The following OR51L1 variants were observed in gnomAD, a reference collection of about 807,000 sequenced individuals.
OR51L1 encodes the protein olfactory receptor family 51 subfamily L member 1.
Under a neutral mutation model 1.4 loss-of-function variants are expected in OR51L1, and 1 was observed. The ratio of observed to expected loss-of-function variants is 0.72; its 90% CI spans 0.26 to 3.42. The LOEUF (loss-of-function observed/expected upper bound fraction) is 3.42, where lower values mean the gene tolerates loss of function less well. OR51L1 is among the 30% of genes most tolerant of loss of function. OR51L1 has a pLI of 0.20. For missense variants in OR51L1, 378 were observed against 380.0 expected (o/e 0.99, Z 0.04); for synonymous variants, 156 against 144.2 (o/e 1.08, Z -0.59).
At position 5,002,127 on chromosome 11, in the gene OR51L1, C is replaced by T. The variant is rs1441536901; in HGVS notation, c.*2197C>T. Reference sequence around the variant, plus strand: ...TTGGAAATAAAGTGGCGTACCAAAGCTGGCACATAAGAGACAATTGTGCAT... The same window carrying T: ...TTGGAAATAAAGTGGCGTACCAAAGTTGGCACATAAGAGACAATTGTGCAT... On this transcript the variant is annotated 3_prime_UTR_variant, in exon 3 of 3. Transcript: ENST00000641819. 2 of 152,182 alleles carry T rather than the reference C, an allele frequency of 1.3e-5. No individual in the cohort carries two copies. The highest frequency in any genetic ancestry group is 4.8e-5 in the African/African-American group (2 of 41,446). The allele number at this position is 152,182 out of a possible 1,614,324, so 9.4% of individuals were successfully genotyped here. A position where few individuals can be genotyped will look rare whatever the true frequency, so the allele number is the denominator to read the frequency against.
chr11:4,999,632 T>A lies in OR51L1; in HGVS notation c.650T>A (p.Leu217His). 6.2e-7 allele frequency: 1 copy of A among 1,614,024 alleles called. No homozygotes were observed. The highest frequency in any genetic ancestry group is 8.5e-7 in the Non-Finnish European group (1 of 1,179,924). ...ATLGVDSIFILLSYVLILNTV... is the reference protein window; with the variant it reads ...ATLGVDSIFIHLSYVLILNTV... Reference sequence around the variant, plus strand: ...CTAGGTGTGGATTCAATCTTCATACTTCTTTCTTATGTTCTGATTCTTAAT... The same window carrying A: ...CTAGGTGTGGATTCAATCTTCATACATCTTTCTTATGTTCTGATTCTTAAT... Residue 217 changes from leucine to histidine, a missense_variant, in exon 3 of 3, where the codon CTT (leucine) becomes CAT (histidine). Transcript: ENST00000641819.
In OR51L1 at chr11:5,001,804, A is replaced by G. The variant is rs1209135433; in HGVS notation, c.*1874A>G. 1.3e-5 allele frequency: 2 copies of G among 152,186 alleles called. No individual in the cohort carries two copies. The highest frequency in any genetic ancestry group is 2.9e-5 in the Non-Finnish European group (2 of 68,032). The allele number at this position is 152,186 out of a possible 1,614,324, so 9.4% of individuals were successfully genotyped here. A position where few individuals can be genotyped will look rare whatever the true frequency, so the allele number is the denominator to read the frequency against. On this transcript the variant is annotated 3_prime_UTR_variant, in exon 3 of 3. Transcript: ENST00000641819. The stretch of plus-strand genomic sequence containing the variant: ...CTGGTCTTCCCCAACAATCATGAGT[A>G]CTCATTAAATAATTGAAATAACTAT...
rs1847163948 is a variant in OR51L1, at chr11:5,005,022, A to C, written c.*5092A>C. The C allele has an allele frequency of 6.6e-6, 1 of 152,198 alleles. No homozygotes were observed. Among genetic ancestry groups the C allele is most frequent in the Non-Finnish European group, 1.5e-5 (1 of 68,022 alleles). 9.4% of individuals were successfully genotyped at this position (152,198 alleles called of 1,614,324 possible). Reference sequence around the variant, plus strand: ...TTGCAACACTCTCTTCCACATGAATAACTGTTACTAACATTATATATCAGC... The same window carrying C: ...TTGCAACACTCTCTTCCACATGAATCACTGTTACTAACATTATATATCAGC... On this transcript the variant is annotated 3_prime_UTR_variant, in exon 3 of 3. Transcript: ENST00000641819.
intron 1 of OR51L1, among the ~76,000 whole-genome samples, chr11:4,997,133 G>C (rs1029825752): frequency 2.0e-5 from 3 of 152,128 alleles, no homozygotes; most frequent in African/African-American, 7.2e-5. Context: ...CTGACTCATA[G>C]AAGATGGAGG....
intron 2 of OR51L1, among the ~76,000 whole-genome samples, chr11:4,998,352 A>G (rs1364613468): frequency 1.3e-5 from 2 of 152,012 alleles, no homozygotes; most frequent in Admixed American, 6.6e-5. Context: ...GCAGCTCAAT[A>G]AAGCATGCTG....
At position 5,001,676 on chromosome 11, in the gene OR51L1, G is replaced by A. The variant is rs1038341658; in HGVS notation, c.*1746G>A. ...AATGAACTACAGATATGTTTTTATG[G>A]GTGATATTTTATTATTTCATATAAA... On this transcript the variant is annotated 3_prime_UTR_variant, in exon 3 of 3. Transcript: ENST00000641819. 4 of 151,612 alleles carry A rather than the reference G, an allele frequency of 2.6e-5. No individual in the cohort carries two copies. The East Asian group carries it at 7.8e-4, about 29-fold the overall frequency. 9.4% of individuals were successfully genotyped at this position (151,612 alleles called of 1,614,324 possible).
chr11:4,999,352 C>A lies in OR51L1; in HGVS notation c.370C>A (p.Arg124Ser), dbSNP rs143037587. The change falls in exon 3 of 3, where the codon CGT becomes AGT. Residue 124 changes from arginine (R) to serine (S), a missense_variant. Transcript: ENST00000641819. ...AGTGTTGCTGGCCATGGCCTTTGAC[C>A]GTTTTGTTGCTATCTGCCATCCACT... is the stretch of plus-strand genomic sequence containing the variant. ...SSVLLAMAFD[R>S]FVAICHPLHY... 6.2e-7 allele frequency: 1 copy of A among 1,613,976 alleles called. No homozygotes were observed. The highest frequency in any genetic ancestry group is 8.5e-7 in the Non-Finnish European group (1 of 1,180,034).
rs1289343550 is a variant in OR51L1, at chr11:5,004,331, G to A, written c.*4401G>A. 6.6e-6 allele frequency: 1 copy of A among 152,194 alleles called. No individual in the cohort carries two copies. Among genetic ancestry groups the A allele is most frequent in the Non-Finnish European group, 1.5e-5 (1 of 68,044 alleles). The allele number at this position is 152,194 out of a possible 1,614,324, so 9.4% of individuals were successfully genotyped here. On this transcript the variant is annotated 3_prime_UTR_variant, in exon 3 of 3. Coordinates refer to ENST00000641819, the MANE Select transcript of OR51L1 (RefSeq NM_001004755.2). The stretch of plus-strand genomic sequence containing the variant: ...CCAGGTGAGCTGAGGCTTGTAGGCA[G>A]GGAACTATAGTTGGCATTGGCAAGC...
Position 4,999,544 on chromosome 11 carries a change from A to G in OR51L1, c.562A>G (p.Arg188Gly), listed in dbSNP as rs777776172. 112 of 1,613,896 alleles carry G rather than the reference A, an allele frequency of 6.9e-5. No homozygotes were observed. The highest frequency in any genetic ancestry group is 9.4e-5 in the Non-Finnish European group (111 of 1,179,996). The stretch of plus-strand genomic sequence containing the variant: ...CTTCTGTTTGCACCAGGATGTTCTA[A>G]GATTATCCTGTACAGATGCCAGGAC... ...HAFCLHQDVLRLSCTDARTNS... is the reference protein window; with the variant it reads ...HAFCLHQDVLGLSCTDARTNS... Residue 188 changes from arginine to glycine, a missense_variant, in exon 3 of 3, where the codon AGA (arginine) becomes GGA (glycine). Physicochemically the swap from Arg to Gly is moderately radical, Grantham distance 125. Transcript: ENST00000641819.
In OR51L1 at chr11:5,001,647, C is replaced by G. The variant is rs1159683644; in HGVS notation, c.*1717C>G. On this transcript the variant is annotated 3_prime_UTR_variant, in exon 3 of 3. Transcript: ENST00000641819. ...TAACCCATTACTTTTTTCTTTTTCA[C>G]TAGAATGAACTACAGATATGTTTTT... 1 of 151,938 alleles carries G rather than the reference C, an allele frequency of 6.6e-6. No homozygotes were observed. The highest frequency in any genetic ancestry group is 6.6e-5 in the Admixed American group (1 of 15,238). 9.4% of individuals were successfully genotyped at this position (151,938 alleles called of 1,614,324 possible).
rs3066001 is a variant in OR51L1 at position 4,998,194 on chromosome 11, A to AACACAC, written c.-159-593_-159-588dup. Among the ~76,000 whole-genome samples the AACACAC allele has an allele frequency of 3.8e-3, 551 of 145,884 alleles. 3 individuals are homozygous for AACACAC. The highest frequency in any genetic ancestry group is 5.5e-3 in the Non-Finnish European group (366 of 66,452). On this transcript the variant is annotated intron_variant, in intron 2 of 2. Transcript: ENST00000641819. Reference sequence around the variant, plus strand: ...AAACTATTTAAACTCTTATTTCACAAACACACACACACACACACACACACA... The same window carrying AACACAC: ...AAACTATTTAAACTCTTATTTCACAAACACACACACACACACACACACACACACACA...
Position 5,001,441 on chromosome 11 carries a change from C to T in OR51L1, c.*1511C>T, listed in dbSNP as rs1847130876. On this transcript the variant is annotated 3_prime_UTR_variant, in exon 3 of 3. Transcript: ENST00000641819. ...AGAAAGCCTGACAGTACATGTCTAA[C>T]CATCTGGGCAATTGTGTTGACTCTG... 1 of 152,116 alleles carries T rather than the reference C, an allele frequency of 6.6e-6. No individual in the cohort carries two copies. The highest frequency in any genetic ancestry group is 2.4e-5 in the African/African-American group (1 of 41,416). The allele number at this position is 152,116 out of a possible 1,614,324, so 9.4% of individuals were successfully genotyped here.
chr11:5,000,484 C>T lies in OR51L1; in HGVS notation c.*554C>T, dbSNP rs1362413555. 1 of 153,034 alleles carries T rather than the reference C, an allele frequency of 6.5e-6. No homozygotes were observed. The highest frequency in any genetic ancestry group is 1.5e-5 in the Non-Finnish European group (1 of 68,668). The allele number at this position is 153,034 out of a possible 1,614,324, so 9.5% of individuals were successfully genotyped here. ...TGCTATGTACAAGTTCTAATCTCAT[C>T]ACTTAGTGATGTGTCCTTTCTCTCA... is the stretch of plus-strand genomic sequence containing the variant. On this transcript the variant is annotated 3_prime_UTR_variant, in exon 3 of 3. Transcript: ENST00000641819.
At chr11:4,996,047 A>C (rs768484137) in intron 1 of OR51L1, among the ~76,000 whole-genome samples, 9 of 152,236 alleles carry the variant, frequency 5.9e-5, no homozygotes, top group Non-Finnish European at 1.3e-4. Flanking sequence ...AGTTCATAAT[A>C]TTGTAGAATG....
rs374603898 is a variant in OR51L1, at chr11:4,999,516, C to T, written c.534C>T (p.His178=). 5.0e-5 allele frequency: 80 copies of T among 1,614,010 alleles called. No individual in the cohort carries two copies. The highest frequency in any genetic ancestry group is 2.7e-4 in the East Asian group (12 of 44,860). ...YHYCHGNALS[H]AFCLHQDVLR... is the part of the protein sequence containing the mutation. Reference sequence around the variant, plus strand: ...ACTGCCATGGCAATGCCCTCTCTCACGCCTTCTGTTTGCACCAGGATGTTC... The same window carrying T: ...ACTGCCATGGCAATGCCCTCTCTCATGCCTTCTGTTTGCACCAGGATGTTC... Residue 178 remains histidine, a synonymous_variant, in exon 3 of 3, where the codon CAC becomes CAT. Transcript: ENST00000641819.
chr11:5,004,598 A>G lies in OR51L1; in HGVS notation c.*4668A>G, dbSNP rs1847160207. On this transcript the variant is annotated 3_prime_UTR_variant, in exon 3 of 3. Transcript: ENST00000641819. ...AGAGAATAATCAAAGAGAAGTACAC[A>G]CGAACTTCTCTTACAAGTGTCCCTG... The G allele has an allele frequency of 6.6e-6, 1 of 152,172 alleles. No individual in the cohort carries two copies. Among genetic ancestry groups the G allele is most frequent in the African/African-American group, 2.4e-5 (1 of 41,446 alleles). 9.4% of individuals were successfully genotyped at this position (152,172 alleles called of 1,614,324 possible).
chr11:4,996,099 A>G (rs1847066012), intron 1 of OR51L1, among the ~76,000 whole-genome samples: 1 of 152,136 alleles, frequency 6.6e-6, no homozygotes, highest in Non-Finnish European at 1.5e-5. Flanking sequence ...GAGATAAAGC[A>G]GTGAGTTAAT....
Position 5,002,476 on chromosome 11 carries a change from AG to A in OR51L1, c.*2547del, listed in dbSNP as rs1847140335. ...TGGGCTATGATGGACAAAGATATGTAGTTTCAGCCCCATTTCAATGAAAGAC... is the reference window on the plus strand; with the variant it reads ...TGGGCTATGATGGACAAAGATATGTATTTCAGCCCCATTTCAATGAAAGAC... On this transcript the variant is annotated 3_prime_UTR_variant, in exon 3 of 3. Coordinates refer to ENST00000641819, the MANE Select transcript of OR51L1 (RefSeq NM_001004755.2). The A allele has an allele frequency of 6.6e-6, 1 of 152,294 alleles. No individual in the cohort carries two copies. The highest frequency in any genetic ancestry group is 1.9e-4 in the East Asian group (1 of 5,186). The allele number at this position is 152,294 out of a possible 1,614,324, so 9.4% of individuals were successfully genotyped here.
At position 5,000,068 on chromosome 11, in the gene OR51L1, T is replaced by G. The variant is rs1251033758; in HGVS notation, c.*138T>G. 1.1e-6 allele frequency: 1 copy of G among 929,402 alleles called. No homozygotes were observed. Among genetic ancestry groups the G allele is most frequent in the Non-Finnish European group, 1.5e-6 (1 of 651,886 alleles). The allele number at this position is 929,402 out of a possible 1,614,324, so 57.6% of individuals were successfully genotyped here. On this transcript the variant is annotated 3_prime_UTR_variant, in exon 3 of 3. Coordinates refer to ENST00000641819, the MANE Select transcript of OR51L1 (RefSeq NM_001004755.2). ...TTCTTATACATGTAATTTCAGTTAA[T>G]CTTTAACCAATATGAAACTCAGGAT...
Sources: allele counts gnomAD v4.1 joint callset (sites outside exome capture counted in the v4.1 genomes callset), GRCh38; gene constraint gnomAD v4.1.1; transcripts MANE v1.5; gene names NCBI Gene and HGNC (gene_info 2026-07-23, HGNC 2026-07-21).